EXOC4: variants seen among roughly 807,000 people sequenced by gnomAD.
EXOC4 encodes the protein exocyst complex component 4.
Under a neutral mutation model 107.2 loss-of-function variants are expected in EXOC4, and 71 were observed. The observed-to-expected ratio is 0.66, with a 90% confidence interval of 0.55 to 0.81. The LOEUF (loss-of-function observed/expected upper bound fraction) is 0.81, where lower values mean the gene tolerates loss of function less well. EXOC4 is among the 30% of genes least tolerant of loss of function. EXOC4 has a pLI of 0.00. For synonymous variants in EXOC4, 456 were observed against 441.2 expected (o/e 1.03, Z -0.42); for missense variants, 1,108 against 1,189.6 (o/e 0.93, Z 1.01).
At chr7:133,418,273 G>A (rs778506395) in intron 7 of EXOC4, among the ~76,000 whole-genome samples, 1 of 152,158 alleles carries the variant, frequency 6.6e-6, no homozygotes, top group South Asian at 2.1e-4. Flanking sequence ...ATTGATTACT[G>A]TAGTTTCTCT....
chr7:133,626,973 A>G (rs546991106), intron 9 of EXOC4, among the ~76,000 whole-genome samples: 4 of 152,252 alleles, frequency 2.6e-5, no homozygotes, highest in African/African-American at 9.6e-5. Flanking sequence ...TTTCACACAT[A>G]CTGTCTCATC....
At chr7:134,015,988 G>T (rs1039567558) in intron 17 of EXOC4, among the ~76,000 whole-genome samples, 1 of 152,076 alleles carries the variant, frequency 6.6e-6, no homozygotes, top group Non-Finnish European at 1.5e-5. Context: ...GCTAAAATTG[G>T]CAGGTCTTGG....
chr7:133,766,837 G>A (rs1426976983), intron 10 of EXOC4, among the ~76,000 whole-genome samples: 1 of 151,934 alleles, frequency 6.6e-6, no homozygotes, highest in African/African-American at 2.4e-5. Context: ...CTTAGTATAT[G>A]TGTAAGCTTT....
chr7:133,566,645 T>A (rs1800911616), intron 9 of EXOC4, among the ~76,000 whole-genome samples: 1 of 152,238 alleles, frequency 6.6e-6, no homozygotes, highest in African/African-American at 2.4e-5. Context: ...TTACTTGGTC[T>A]ACTATACACT....
At chr7:133,788,983 C>T (rs1179941796) in intron 10 of EXOC4, among the ~76,000 whole-genome samples, 3 of 152,164 alleles carry the variant, frequency 2.0e-5, no homozygotes, top group African/African-American at 4.8e-5. Flanking sequence ...CTACTGCTGC[C>T]CCTCTGAATC....
intron 12 of EXOC4, among the ~76,000 whole-genome samples, chr7:133,915,039 A>T (rs1288713976): frequency 2.0e-5 from 3 of 152,224 alleles, no homozygotes. Context: ...GCAAATAGAA[A>T]ATCTAGAAAT....
chr7:133,971,334 G>GTATATATATATATATATATATATATA (rs1206467959), intron 14 of EXOC4, among the ~76,000 whole-genome samples: 3 of 41,792 alleles, frequency 7.2e-5, no homozygotes, highest in East Asian at 1.3e-3. Flanking sequence ...GGGAAAATGT[G>GTATATATATATATATATATATATATA]TATATATATA....
chr7:133,303,784 C>A (rs1238617840), intron 3 of EXOC4, among the ~76,000 whole-genome samples: 1 of 152,138 alleles, frequency 6.6e-6, no homozygotes, highest in South Asian at 2.1e-4. Context: ...CAAAGTTTGT[C>A]ATTTAAACAG....
chr7:133,998,797 A>G (rs1794458250), intron 15 of EXOC4, among the ~76,000 whole-genome samples: 1 of 152,208 alleles, frequency 6.6e-6, no homozygotes, highest in South Asian at 2.1e-4. Context: ...GCAGGGAAAA[A>G]TACAAATGGA....
chr7:133,867,105 G>A (rs927931403), intron 11 of EXOC4, among the ~76,000 whole-genome samples: 5 of 152,146 alleles, frequency 3.3e-5, no homozygotes, highest in Non-Finnish European at 5.9e-5. Flanking sequence ...GCATTCCCAG[G>A]CCAAGGATCT....
At chr7:133,867,923 G>A (rs530197337) in intron 11 of EXOC4, among the ~76,000 whole-genome samples, 2 of 152,316 alleles carry the variant, frequency 1.3e-5, no homozygotes, top group Admixed American at 6.5e-5. Context: ...TAAAGCATAT[G>A]TGCTAATGGC....
At chr7:133,756,659 C>G (rs892114681) in intron 10 of EXOC4, among the ~76,000 whole-genome samples, 2 of 152,036 alleles carry the variant, frequency 1.3e-5, no homozygotes, top group African/African-American at 4.8e-5. Context: ...AATCTTTTGC[C>G]CTAAGCACAG....
At chr7:133,999,361 C>A (rs948895970) in intron 15 of EXOC4, among the ~76,000 whole-genome samples, 2 of 152,120 alleles carry the variant, frequency 1.3e-5, no homozygotes, top group African/African-American at 4.8e-5. Flanking sequence ...CCTTCATTAC[C>A]ATTGCCCAGT....
At chr7:133,322,370 A>G (rs892578274) in intron 5 of EXOC4, among the ~76,000 whole-genome samples, 2 of 152,328 alleles carry the variant, frequency 1.3e-5, no homozygotes, top group African/African-American at 4.8e-5. Flanking sequence ...TTAAGTCTTT[A>G]ATACACCTTG....
chr7:133,485,447 G>A (rs1799251638), intron 9 of EXOC4, among the ~76,000 whole-genome samples: 1 of 151,938 alleles, frequency 6.6e-6, no homozygotes, highest in African/African-American at 2.4e-5. Flanking sequence ...GATGATCTCA[G>A]CCAAGACCAA....
intron 10 of EXOC4, among the ~76,000 whole-genome samples, chr7:133,770,408 C>T (rs572928243): frequency 6.6e-6 from 1 of 151,848 alleles, no homozygotes; most frequent in Non-Finnish European, 1.5e-5. Flanking sequence ...CTTCTGTGAT[C>T]GTTAAAAAAG....
chr7:133,630,333 C>A (rs989331668), intron 10 of EXOC4, 192 bp downstream of exon 10: 1 of 517,548 alleles, frequency 1.9e-6, no homozygotes, highest in African/African-American at 1.9e-5. Flanking sequence ...TACTTATTTT[C>A]AGGAGTAAAT....
chr7:133,271,445 G>A (rs745987135), intron 1 of EXOC4, among the ~76,000 whole-genome samples: 7 of 152,150 alleles, frequency 4.6e-5, no homozygotes, highest in Non-Finnish European at 1.0e-4. Flanking sequence ...TCTCCTCAGG[G>A]CTCTTGTGTT....
At chr7:133,497,086 C>A (rs1799492322) in intron 9 of EXOC4, among the ~76,000 whole-genome samples, 1 of 152,116 alleles carries the variant, frequency 6.6e-6, no homozygotes, top group Admixed American at 6.6e-5. Context: ...GACCTCCATC[C>A]TACAACCAAA....
Sources: gnomAD v4.1 joint callset for allele counts (sites outside exome capture counted in the v4.1 genomes callset) on GRCh38, gnomAD v4.1.1 for gene constraint, MANE v1.5 for transcripts, NCBI Gene and HGNC (gene_info 2026-07-23, HGNC 2026-07-21) for gene names.